PPP2R5C: variants seen among roughly 807,000 people sequenced by gnomAD.
PPP2R5C encodes the protein protein phosphatase 2 regulatory subunit B'gamma.
In PPP2R5C, 7 loss-of-function variants were observed where a neutral mutation model predicts 68.9. The observed-to-expected ratio is 0.10, with a 90% confidence interval of 0.06 to 0.19. The LOEUF is 0.19. Among genes scored for constraint, PPP2R5C ranks in the 10% least tolerant of loss-of-function variants. The pLI is 1.00. For synonymous variants in PPP2R5C, 210 were observed against 222.2 expected (o/e 0.95, Z 0.49); for missense variants, 348 against 641.3 (o/e 0.54, Z 4.94).
At chr14:101,832,095 A>G (rs2140342110) in intron 1 of PPP2R5C, among the ~76,000 whole-genome samples, 1 of 152,350 alleles carries the variant, frequency 6.6e-6, no homozygotes, top group South Asian at 2.1e-4. Flanking sequence ...AATGAAAAGG[A>G]GCAGAACAGA....
intron 1 of PPP2R5C, chr14:101,831,844 C>T (rs1370566809): frequency 1.5e-6 from 1 of 677,102 alleles, no homozygotes; most frequent in South Asian, 1.5e-5. Context: ...CAACATGGAC[C>T]ACTGTAGTCT....
At chr14:101,829,983 C>T (rs1043577250) in intron 1 of PPP2R5C, among the ~76,000 whole-genome samples, 1 of 151,878 alleles carries the variant, frequency 6.6e-6, no homozygotes, top group African/African-American at 2.4e-5. Flanking sequence ...TCTATTTGGT[C>T]CTCTGTGACC....
rs2045713366 is a variant in PPP2R5C, at chr14:101,901,901, T to G, written c.1023+12T>G. On this transcript the variant is annotated intron_variant, in intron 9 of 13. Coordinates refer to ENST00000334743, the Ensembl canonical transcript of PPP2R5C. Reference sequence around the variant, plus strand: ...GCCCACACTTCCAGGTATGTGGGGCTTGGGGGACCTGATTAAATTCTTCCA... The same window carrying G: ...GCCCACACTTCCAGGTATGTGGGGCGTGGGGGACCTGATTAAATTCTTCCA... 1 of 1,609,688 alleles carries G rather than the reference T, an allele frequency of 6.2e-7. No homozygotes were observed. Among genetic ancestry groups the G allele is most frequent in the African/African-American group, 1.3e-5 (1 of 74,702 alleles).
intron 3 of PPP2R5C, among the ~76,000 whole-genome samples, chr14:101,798,820 G>A (rs1004557045): frequency 6.6e-6 from 1 of 152,208 alleles, no homozygotes; most frequent in African/African-American, 2.4e-5. Flanking sequence ...TCACTGCGAG[G>A]CCAGCGTAGA....
At chr14:101,784,562 C>G (rs1308198840) in intron 2 of PPP2R5C, among the ~76,000 whole-genome samples, 1 of 152,014 alleles carries the variant, frequency 6.6e-6, no homozygotes, top group African/African-American at 2.4e-5. Context: ...CCTGAGAACT[C>G]ACTCACTATC....
chr14:101,836,413 T>C (rs1465673895), intron 1 of PPP2R5C: 1 of 701,422 alleles, frequency 1.4e-6, no homozygotes, highest in African/African-American at 1.7e-5. Context: ...AAATCAGAGC[T>C]GCTAGAATCA....
intron 2 of PPP2R5C, among the ~76,000 whole-genome samples, chr14:101,880,603 ATGGGC>A (rs2044101291): frequency 6.6e-6 from 1 of 152,156 alleles, no homozygotes; most frequent in South Asian, 2.1e-4. Context: ...TGAGACCAGC[ATGGGC>A]AACGTAGCGA....
intron 2 of PPP2R5C, among the ~76,000 whole-genome samples, chr14:101,769,884 ATGT>A (rs1211328613): frequency 1.3e-5 from 2 of 152,156 alleles, no homozygotes; most frequent in African/African-American, 2.4e-5. Context: ...TTGTTAGGCA[ATGT>A]TGTTGTTTTG....
intron 1 of PPP2R5C, chr14:101,823,764 C>T: frequency 9.1e-7 from 1 of 1,095,516 alleles, no homozygotes; most frequent in South Asian, 2.3e-5. Flanking sequence ...GCTCACCCCT[C>T]TCTGAGCATG....
intron 3 of PPP2R5C, among the ~76,000 whole-genome samples, chr14:101,798,846 T>G (rs1411750769): frequency 6.6e-6 from 1 of 152,144 alleles, no homozygotes; most frequent in Non-Finnish European, 1.5e-5. Flanking sequence ...GGTAGGCATG[T>G]CACAGGAGGT....
intron 3 of PPP2R5C, among the ~76,000 whole-genome samples, chr14:101,798,445 G>A (rs1256738739): frequency 6.6e-6 from 1 of 152,188 alleles, no homozygotes; most frequent in African/African-American, 2.4e-5. Context: ...GAATAAAACA[G>A]TGACAGAGGG....
At position 101,891,735 on chromosome 14, in the gene PPP2R5C, C is replaced by A. The variant is rs957977922; in HGVS notation, c.690-1265C>A. The stretch of plus-strand genomic sequence containing the variant: ...CCTCCTTGATGGGCCGCTCCAGGCT[C>A]GCCCTTCCCGCATTGTCCGCTGTGC... On this transcript the variant is annotated intron_variant, in intron 6 of 13. Coordinates refer to ENST00000334743, the Ensembl canonical transcript of PPP2R5C. This position sits in a 1 kb window ranked among gnomAD's most constrained non-coding sequence, Gnocchi z 4.9. Among the ~76,000 whole-genome samples the A allele has an allele frequency of 6.6e-6, 1 of 152,334 alleles. No individual in the cohort carries two copies. The highest frequency in any genetic ancestry group is 2.1e-4 in the South Asian group (1 of 4,832).
At chr14:101,850,200 G>A (rs2042074789) in intron 1 of PPP2R5C, among the ~76,000 whole-genome samples, 1 of 152,208 alleles carries the variant, frequency 6.6e-6, no homozygotes. Flanking sequence ...GCGTTGCCCA[G>A]AGGTCCTGGT....
chr14:101,910,571 G>A (rs560443245), intron 11 of PPP2R5C, among the ~76,000 whole-genome samples: 4 of 152,340 alleles, frequency 2.6e-5, no homozygotes, highest in African/African-American at 4.8e-5. Context: ...GGTGGCTCAC[G>A]CCTGTAATCC....
chr14:101,874,842 C>T (rs1031128365), intron 2 of PPP2R5C, among the ~76,000 whole-genome samples: 38 of 152,162 alleles, frequency 2.5e-4, no homozygotes, highest in Admixed American at 7.2e-4. Context: ...CAAGTTCAAG[C>T]GATTCTCCTG....
intron 13 of PPP2R5C, chr14:101,921,990 G>A (rs183311700): frequency 1.9e-5 from 19 of 985,240 alleles, no homozygotes; most frequent in Admixed American, 1.8e-4. Flanking sequence ...ACAGTTGGTC[G>A]GGAGAAAAGC....
chr14:101,809,838 T>C, upstream of PPP2R5C: 1 of 1,473,622 alleles, frequency 6.8e-7, no homozygotes, highest in Middle Eastern at 2.4e-4. Context: ...ACCAGCCAGT[T>C]CCCTCCAGCT....
intron 1 of PPP2R5C, among the ~76,000 whole-genome samples, chr14:101,847,793 A>G (rs1191668442): frequency 6.6e-6 from 1 of 151,426 alleles, no homozygotes; most frequent in Non-Finnish European, 1.5e-5. Context: ...CTCCCGAGTA[A>G]CTGGGACTAC....
intron 1 of PPP2R5C, among the ~76,000 whole-genome samples, chr14:101,847,663 C>CTTTTTTTT (rs3043777): frequency 7.8e-6 from 1 of 128,306 alleles, no homozygotes; most frequent in African/African-American, 3.0e-5. Flanking sequence ...TGGGGCTGCT[C>CTTTTTTTT]TTTTTTTTTT....
Sources: gnomAD v4.1 joint callset for allele counts (sites outside exome capture counted in the v4.1 genomes callset) on GRCh38, gnomAD v4.1.1 for gene constraint, Gnocchi (gnomAD v3.1) non-coding constraint, MANE v1.5 for transcripts, NCBI Gene and HGNC (gene_info 2026-07-23, HGNC 2026-07-21) for gene names.